PTPRD: variants seen among roughly 807,000 people sequenced by gnomAD.
PTPRD encodes the protein receptor-type tyrosine-protein phosphatase delta.
In PTPRD, 34 loss-of-function variants were observed where a neutral mutation model predicts 214.5. The observed-to-expected ratio is 0.16, with a 90% CI of 0.12 to 0.21. The LOEUF is 0.21. Ranked by LOEUF, PTPRD falls within the 10% of genes least tolerant of loss-of-function variation. The pLI is 1.00. For synonymous variants in PTPRD, 1,128 were observed against 845.7 expected (o/e 1.33, Z -5.79); for missense variants, 2,545 against 2,398.7 (o/e 1.06, Z -1.27).
intron 14 of PTPRD, among the ~76,000 whole-genome samples, chr9:8,534,205 T>C (rs1244320814): frequency 6.6e-6 from 1 of 151,992 alleles, no homozygotes; most frequent in Admixed American, 6.6e-5. Flanking sequence ...TTCCCTCATA[T>C]ATTGGTTTTC....
At chr9:9,180,950 G>T (rs372409075) in intron 10 of PTPRD, among the ~76,000 whole-genome samples, 22 of 152,040 alleles carry the variant, frequency 1.4e-4, no homozygotes, top group African/African-American at 5.3e-4. Flanking sequence ...TCATAAAAAA[G>T]ACATTGGAAT....
intron 11 of PTPRD, among the ~76,000 whole-genome samples, chr9:8,891,977 C>T (rs1042444914): frequency 5.9e-5 from 9 of 152,106 alleles, no homozygotes; most frequent in African/African-American, 2.2e-4. Flanking sequence ...CTTAACGTCC[C>T]CTTATGAATG....
intron 7 of PTPRD, among the ~76,000 whole-genome samples, chr9:9,631,112 T>A (rs1015240894): frequency 6.6e-6 from 1 of 151,930 alleles, no homozygotes; most frequent in Admixed American, 6.6e-5. Context: ...AGACAAGGAT[T>A]TAATCCTCAG....
intron 4 of PTPRD, among the ~76,000 whole-genome samples, chr9:9,941,489 A>G (rs557960516): frequency 6.6e-6 from 1 of 152,030 alleles, no homozygotes; most frequent in East Asian, 1.9e-4. Flanking sequence ...CGCCTGGGTA[A>G]TTTTTGTATT....
At chr9:10,425,835 A>G (rs2098608686) in intron 2 of PTPRD, among the ~76,000 whole-genome samples, 1 of 152,072 alleles carries the variant, frequency 6.6e-6, no homozygotes, top group Admixed American at 6.6e-5. Flanking sequence ...AATATATTAA[A>G]ACACATGCTG....
chr9:9,558,375 C>A (rs1253757974), intron 8 of PTPRD, among the ~76,000 whole-genome samples: 2 of 152,160 alleles, frequency 1.3e-5, no homozygotes, highest in African/African-American at 4.8e-5. Context: ...CTTGGCCTAT[C>A]CTTGACTAAG....
At chr9:10,331,666 T>A (rs1223643652) in intron 3 of PTPRD, among the ~76,000 whole-genome samples, 2 of 151,848 alleles carry the variant, frequency 1.3e-5, no homozygotes, top group African/African-American at 4.8e-5. Flanking sequence ...TAGTCCAAAT[T>A]GAGTTTTTAA....
chr9:9,148,394 A>G (rs1372032120), intron 10 of PTPRD, among the ~76,000 whole-genome samples: 1 of 152,206 alleles, frequency 6.6e-6, no homozygotes, highest in African/African-American at 2.4e-5. Flanking sequence ...TAAAAACCCA[A>G]CCTGTAATTA....
intron 39 of PTPRD, among the ~76,000 whole-genome samples, chr9:8,354,133 T>A (rs544244442): frequency 6.6e-6 from 1 of 151,570 alleles, no homozygotes; most frequent in African/African-American, 2.4e-5. Flanking sequence ...TATTTATATT[T>A]ATCCAAAACT....
intron 4 of PTPRD, among the ~76,000 whole-genome samples, chr9:9,954,116 T>C (rs1295436007): frequency 6.6e-6 from 1 of 151,484 alleles, no homozygotes; most frequent in South Asian, 2.1e-4. Context: ...GCCAACATGA[T>C]GAAACCCTGT....
intron 2 of PTPRD, among the ~76,000 whole-genome samples, chr9:10,422,844 T>A (rs1328444892): frequency 6.6e-6 from 1 of 152,070 alleles, no homozygotes; most frequent in Non-Finnish European, 1.5e-5. Context: ...GGAAAGCTTT[T>A]ACACTGTTGG....
intron 2 of PTPRD, among the ~76,000 whole-genome samples, chr9:10,349,374 A>AT (rs2154453802): frequency 6.6e-6 from 1 of 152,174 alleles, no homozygotes; most frequent in African/African-American, 2.4e-5. Context: ...ACATTCATAC[A>AT]TATTTTCTAG....
chr9:9,455,848 GCTAC>G (rs2092915087), intron 8 of PTPRD, among the ~76,000 whole-genome samples: 4 of 151,896 alleles, frequency 2.6e-5, no homozygotes, highest in Non-Finnish European at 5.9e-5. Flanking sequence ...ACAAATGGAT[GCTAC>G]TAGAGCAGGG....
intron 3 of PTPRD, among the ~76,000 whole-genome samples, chr9:10,330,691 T>A (rs1057096187): frequency 6.6e-6 from 1 of 151,826 alleles, no homozygotes; most frequent in African/African-American, 2.4e-5. Context: ...AGTAGAGAAG[T>A]GGTAGTAATG....
chr9:9,065,961 A>C (rs2099730191), intron 10 of PTPRD, among the ~76,000 whole-genome samples: 1 of 152,192 alleles, frequency 6.6e-6, no homozygotes, highest in Non-Finnish European at 1.5e-5. Flanking sequence ...CATGTAAAGC[A>C]TAACACCATT....
At chr9:8,957,363 G>A (rs552227906) in intron 11 of PTPRD, among the ~76,000 whole-genome samples, 92 of 151,764 alleles carry the variant, frequency 6.1e-4, no homozygotes, top group Non-Finnish European at 1.2e-3. Context: ...TCCACAGCAT[G>A]GATCTTCATT....
intron 7 of PTPRD, among the ~76,000 whole-genome samples, chr9:9,686,140 G>C (rs1026028820): frequency 6.6e-6 from 1 of 151,122 alleles, no homozygotes; most frequent in Admixed American, 6.6e-5. Context: ...TGTTGTTGCT[G>C]TTGTTGAAAT....
At chr9:9,971,671 G>T (rs1488295039) in intron 4 of PTPRD, among the ~76,000 whole-genome samples, 2 of 152,158 alleles carry the variant, frequency 1.3e-5, no homozygotes, top group Non-Finnish European at 2.9e-5. Flanking sequence ...AAGGATCTTT[G>T]CACTGGTTTG....
intron 35 of PTPRD, among the ~76,000 whole-genome samples, chr9:8,426,955 G>A (rs561763432): frequency 1.7e-3 from 256 of 152,228 alleles, no homozygotes; most frequent in African/African-American, 5.9e-3. Flanking sequence ...CATACGCCCT[G>A]TTTTGGATGC....
Sources: allele counts gnomAD v4.1 joint callset (sites outside exome capture counted in the v4.1 genomes callset), GRCh38; gene constraint gnomAD v4.1.1; transcripts MANE v1.5; gene names NCBI Gene and HGNC (gene_info 2026-07-23, HGNC 2026-07-21).